DLGAP2: variants seen among roughly 807,000 people sequenced by gnomAD.
DLGAP2 encodes DLG associated protein 2, also known as disks large-associated protein 2.
Under a neutral mutation model 100.3 loss-of-function variants are expected in DLGAP2, and 26 were observed. The observed-to-expected ratio is 0.26, with a 90% confidence interval of 0.19 to 0.36. The LOEUF is 0.36. DLGAP2 is among the 10% of genes least tolerant of loss of function. DLGAP2 has a pLI of 1.00. For missense variants in DLGAP2, 1,858 were observed against 1,453.2 expected (o/e 1.28, Z -4.53); for synonymous variants, 886 against 630.1 (o/e 1.41, Z -6.08).
intron 4 of DLGAP2, among the ~76,000 whole-genome samples, chr8:1,527,989 A>G (rs535582660): frequency 2.0e-5 from 3 of 152,278 alleles, no homozygotes; most frequent in African/African-American, 7.2e-5. Context: ...TTGTACAGTT[A>G]TGACACTTCA....
At chr8:1,154,373 G>A (rs1013370543) in intron 2 of DLGAP2, among the ~76,000 whole-genome samples, 1 of 152,094 alleles carries the variant, frequency 6.6e-6, no homozygotes, top group Non-Finnish European at 1.5e-5. Flanking sequence ...GCCCCCAAAC[G>A]AATACATCGA....
At chr8:1,525,848 G>T (rs994504161) in intron 4 of DLGAP2, among the ~76,000 whole-genome samples, 1 of 152,196 alleles carries the variant, frequency 6.6e-6, no homozygotes, top group African/African-American at 2.4e-5. Context: ...TCTCCTGTGT[G>T]ACGTTGGGCG....
chr8:1,076,319 A>T (rs1025041103), intron 2 of DLGAP2, among the ~76,000 whole-genome samples: 1 of 152,254 alleles, frequency 6.6e-6, no homozygotes, highest in Non-Finnish European at 1.5e-5. Context: ...CACGGCACTG[A>T]CACAGACACT....
intron 1 of DLGAP2, among the ~76,000 whole-genome samples, chr8:784,870 G>C (rs1366012445): frequency 2.0e-5 from 3 of 152,118 alleles, no homozygotes; most frequent in Non-Finnish European, 4.4e-5. Flanking sequence ...CTTGACCTCA[G>C]GAGGTGTGAG....
intron 3 of DLGAP2, among the ~76,000 whole-genome samples, chr8:1,492,549 G>T (rs1043918717): frequency 1.3e-5 from 2 of 152,210 alleles, no homozygotes; most frequent in Non-Finnish European, 2.9e-5. Context: ...GATGGGGACC[G>T]CGCTTCGCTC....
At chr8:1,172,882 G>T (rs1457105108) in intron 2 of DLGAP2, among the ~76,000 whole-genome samples, 1 of 152,092 alleles carries the variant, frequency 6.6e-6, no homozygotes, top group African/African-American at 2.4e-5. Context: ...CTCTCATCTC[G>T]TCAAAGTCAT....
At chr8:1,585,686 G>A (rs1480003405) in intron 6 of DLGAP2, among the ~76,000 whole-genome samples, 1 of 152,220 alleles carries the variant, frequency 6.6e-6, no homozygotes, top group Non-Finnish European at 1.5e-5. Context: ...GGAAAACCTG[G>A]CGGCCCCGTG....
At chr8:1,590,685 C>G (rs556596094) in intron 6 of DLGAP2, among the ~76,000 whole-genome samples, 5 of 152,344 alleles carry the variant, frequency 3.3e-5, no homozygotes, top group South Asian at 2.1e-4. Flanking sequence ...GTTTGTAGTT[C>G]TAAGAAATTG....
intron 4 of DLGAP2, among the ~76,000 whole-genome samples, chr8:1,520,410 A>G (rs1478571933): frequency 6.6e-6 from 1 of 152,166 alleles, no homozygotes; most frequent in African/African-American, 2.4e-5. Flanking sequence ...GTCACAATTG[A>G]TGAGCCAGGA....
chr8:1,134,247 C>T (rs773469369), intron 2 of DLGAP2, among the ~76,000 whole-genome samples: 7 of 152,302 alleles, frequency 4.6e-5, no homozygotes, highest in Non-Finnish European at 7.3e-5. Context: ...CCATTGATGG[C>T]ATTTAGGTTG....
intron 6 of DLGAP2, among the ~76,000 whole-genome samples, chr8:1,600,916 G>T (rs899219764): frequency 2.0e-5 from 3 of 152,160 alleles, no homozygotes; most frequent in African/African-American, 4.8e-5. Context: ...TCCCTTGCTG[G>T]TGAGGAGTTG....
intron 3 of DLGAP2, among the ~76,000 whole-genome samples, chr8:1,282,995 C>A (rs1247200255): frequency 2.4e-5 from 3 of 123,858 alleles, no homozygotes; most frequent in African/African-American, 6.3e-5. Flanking sequence ...ATCCAGCCCC[C>A]TGAACCATAC....
At chr8:1,507,420 G>A (rs886225195) in intron 4 of DLGAP2, among the ~76,000 whole-genome samples, 9 of 152,050 alleles carry the variant, frequency 5.9e-5, no homozygotes, top group East Asian at 1.9e-4. Context: ...TCACTGCCCC[G>A]CTGGCGCTGG....
intron 6 of DLGAP2, among the ~76,000 whole-genome samples, chr8:1,615,862 A>G (rs1797135898): frequency 1.3e-5 from 2 of 152,250 alleles, no homozygotes; most frequent in South Asian, 2.1e-4. Flanking sequence ...TAAAAATGTT[A>G]GAACTCACCA....
At chr8:1,470,303 C>T (rs998170838) in intron 3 of DLGAP2, among the ~76,000 whole-genome samples, 4 of 152,158 alleles carry the variant, frequency 2.6e-5, no homozygotes, top group African/African-American at 9.7e-5. Flanking sequence ...CACTTCTCAG[C>T]CCCCAATGCC....
At chr8:1,322,098 A>AT (rs1800914692) in intron 3 of DLGAP2, among the ~76,000 whole-genome samples, 2 of 152,208 alleles carry the variant, frequency 1.3e-5, no homozygotes, top group African/African-American at 4.8e-5. Context: ...TGAACTAATG[A>AT]TTTAAAAAAA....
At chr8:816,731 T>A (rs933217757) in intron 1 of DLGAP2, among the ~76,000 whole-genome samples, 1 of 152,154 alleles carries the variant, frequency 6.6e-6, no homozygotes, top group African/African-American at 2.4e-5. Flanking sequence ...ATTTCCTGGG[T>A]GTTCTTTGAG....
Position 1,244,017 on chromosome 8 carries a change from A to G in DLGAP2, c.74-14834A>G, listed in dbSNP as rs372679821. Among the ~76,000 whole-genome samples, 16 of 151,754 alleles carry G rather than the reference A, an allele frequency of 1.1e-4. No homozygotes were observed. The South Asian group carries it at 2.1e-3, about 20-fold the overall frequency. On this transcript the variant is annotated intron_variant, in intron 2 of 14. Coordinates refer to ENST00000637795, the MANE Select transcript of DLGAP2 (RefSeq NM_001346810.2). Reference sequence around the variant, plus strand: ...TGCCAGCTCCCAGCCTCTGCACTCCACCATAGGGATGGTGAGTGCCAGCTC... The same window carrying G: ...TGCCAGCTCCCAGCCTCTGCACTCCGCCATAGGGATGGTGAGTGCCAGCTC...
chr8:1,123,378 G>A (rs555019028), intron 2 of DLGAP2, among the ~76,000 whole-genome samples: 79 of 152,212 alleles, frequency 5.2e-4, no homozygotes, highest in Non-Finnish European at 9.7e-4. Context: ...CTGAGGCTTA[G>A]TAGGTACAGC....
Sources: allele counts gnomAD v4.1 joint callset (sites outside exome capture counted in the v4.1 genomes callset), GRCh38; gene constraint gnomAD v4.1.1; transcripts MANE v1.5; gene names NCBI Gene and HGNC (gene_info 2026-07-23, HGNC 2026-07-21).